B3GALT1: variants seen among roughly 807,000 people sequenced by gnomAD.
The protein encoded by B3GALT1 is UDP-Gal:betaGlcNAc beta 1,3-galactosyltransferase, polypeptide 1.
A neutral mutation model predicts 23.2 loss-of-function variants in B3GALT1; 10 were observed. That is an observed-to-expected ratio of 0.43 (90% confidence interval 0.27 to 0.73). B3GALT1 has a LOEUF of 0.73. Ranked by LOEUF, B3GALT1 falls within the 30% of genes least tolerant of loss-of-function variation. The probability of loss-of-function intolerance (pLI) is 0.21; values close to 1 mark genes in which losing one functional copy is unlikely to be tolerated. For missense variants in B3GALT1, 299 were observed against 405.4 expected, an observed-to-expected ratio of 0.74 and a Z score of 2.25; for synonymous variants, 156 against 141.5, an observed-to-expected ratio of 1.10 and a Z score of -0.73.
chr2:167,505,706 A>G (rs1476314495), intron 2 of B3GALT1, among the ~76,000 whole-genome samples: 1 of 152,180 alleles, frequency 6.6e-6, no homozygotes, highest in Admixed American at 6.5e-5. Context: ...CAAGTGGGAA[A>G]AAAATAATAC....
chr2:167,749,299 C>T (rs1687698082), intron 3 of B3GALT1, among the ~76,000 whole-genome samples: 1 of 152,124 alleles, frequency 6.6e-6, no homozygotes, highest in Non-Finnish European at 1.5e-5. Context: ...GTGTCATATC[C>T]GTTCTCTGGT....
intron 1 of B3GALT1, among the ~76,000 whole-genome samples, chr2:167,397,346 C>T (rs1402267320): frequency 1.3e-5 from 2 of 151,974 alleles, no homozygotes; most frequent in Non-Finnish European, 2.9e-5. Flanking sequence ...TCCTTTGAAT[C>T]CAAAATGCTG....
chr2:167,660,296 C>T lies in B3GALT1; in HGVS notation c.-352+13330C>T, dbSNP rs1194397339. On this transcript the variant is annotated intron_variant, in intron 3 of 4. Coordinates refer to ENST00000392690, the MANE Select transcript of B3GALT1 (RefSeq NM_020981.4). ...CCTCTTTCTTGCTTGTGTGGCTCTC[C>T]ACTTTATGGAAATGGGAATAGTGAT... 2.0e-5 allele frequency among the ~76,000 whole-genome samples: 3 copies of T among 151,998 alleles called. No individual in the cohort carries two copies. The East Asian group carries it at 5.8e-4, about 29-fold the overall frequency.
chr2:167,408,882 A>G (rs1698352244), intron 1 of B3GALT1, among the ~76,000 whole-genome samples: 1 of 152,178 alleles, frequency 6.6e-6, no homozygotes, highest in African/African-American at 2.4e-5. Flanking sequence ...ACACACACAA[A>G]ATGGAAAGAT....
At chr2:167,383,827 G>T (rs573056159) in intron 1 of B3GALT1, among the ~76,000 whole-genome samples, 4 of 152,284 alleles carry the variant, frequency 2.6e-5, no homozygotes, top group African/African-American at 9.6e-5. Context: ...TATTGACATT[G>T]TCAAAGTTTT....
At chr2:167,576,074 T>G (rs938444001) in intron 2 of B3GALT1, among the ~76,000 whole-genome samples, 5 of 151,774 alleles carry the variant, frequency 3.3e-5, no homozygotes, top group Non-Finnish European at 7.4e-5. Flanking sequence ...ACTTCAAATT[T>G]TATAAGTTTT....
In B3GALT1 at chr2:167,442,391, G is replaced by C. The variant is rs182779461; in HGVS notation, c.-510-47786G>C. ...TGATTTATAGTCCTTTGGGTATATA[G>C]CCAGTAATGGGATTGCTGGGTCAAA... is the stretch of plus-strand genomic sequence containing the variant. On this transcript the variant is annotated intron_variant, in intron 1 of 4. Coordinates refer to ENST00000392690, the MANE Select transcript of B3GALT1 (RefSeq NM_020981.4). Among the ~76,000 whole-genome samples, 530 of 152,150 alleles carry C rather than the reference G, an allele frequency of 3.5e-3. 3 individuals are homozygous for C. The highest frequency in any genetic ancestry group is 0.012 in the African/African-American group (507 of 41,484).
chr2:167,618,709 G>T (rs2105437478), intron 2 of B3GALT1, among the ~76,000 whole-genome samples: 1 of 151,980 alleles, frequency 6.6e-6, no homozygotes, highest in Middle Eastern at 3.4e-3. Context: ...TTAGACTCTT[G>T]GTTGTTTTTG....
At chr2:167,496,984 A>G (rs1156684708) in intron 2 of B3GALT1, among the ~76,000 whole-genome samples, 1 of 152,206 alleles carries the variant, frequency 6.6e-6, no homozygotes, top group Non-Finnish European at 1.5e-5. Flanking sequence ...CAGCACACCA[A>G]CATGGCACAT....
chr2:167,566,525 A>G (rs1470001761), intron 2 of B3GALT1, among the ~76,000 whole-genome samples: 1 of 148,236 alleles, frequency 6.7e-6, no homozygotes, highest in East Asian at 2.4e-4. Context: ...AAAGAATAAA[A>G]AGAAAAATTA....
At chr2:167,486,489 G>A (rs1447202711) in intron 1 of B3GALT1, among the ~76,000 whole-genome samples, 1 of 151,852 alleles carries the variant, frequency 6.6e-6, no homozygotes, top group African/African-American at 2.4e-5. Context: ...GGAGGCTGAG[G>A]CAGGCAGATC....
At chr2:167,842,353 A>G (rs1050112961) in intron 4 of B3GALT1, among the ~76,000 whole-genome samples, 5 of 152,204 alleles carry the variant, frequency 3.3e-5, no homozygotes, top group Non-Finnish European at 7.3e-5. Flanking sequence ...AAGCTGAGCA[A>G]TGCATCTTCA....
At chr2:167,737,821 T>A (rs764069700) in intron 3 of B3GALT1, among the ~76,000 whole-genome samples, 3 of 152,228 alleles carry the variant, frequency 2.0e-5, no homozygotes, top group Admixed American at 1.3e-4. Context: ...TAGAGTAAGC[T>A]GATGATGGCA....
intron 3 of B3GALT1, among the ~76,000 whole-genome samples, chr2:167,754,974 C>G (rs1477075539): frequency 1.3e-5 from 2 of 152,170 alleles, no homozygotes; most frequent in Non-Finnish European, 2.9e-5. Context: ...TGCATTCAAG[C>G]CTTCTCTTTT....
At chr2:167,402,067 G>A (rs1014874644) in intron 1 of B3GALT1, among the ~76,000 whole-genome samples, 5 of 152,146 alleles carry the variant, frequency 3.3e-5, no homozygotes, top group African/African-American at 1.2e-4. Context: ...AATTCAGATG[G>A]CATAAATTTG....
chr2:167,718,585 T>C (rs978668565), intron 3 of B3GALT1, among the ~76,000 whole-genome samples: 1 of 152,224 alleles, frequency 6.6e-6, no homozygotes, highest in Non-Finnish European at 1.5e-5. Context: ...TTAATAAATT[T>C]TAAATTATTT....
chr2:167,491,836 A>G (rs1021871902), intron 2 of B3GALT1, among the ~76,000 whole-genome samples: 1 of 151,932 alleles, frequency 6.6e-6, no homozygotes, highest in African/African-American at 2.4e-5. Context: ...AAGTGATTTT[A>G]TGTTTTCAGA....
intron 1 of B3GALT1, among the ~76,000 whole-genome samples, chr2:167,313,950 C>G (rs1438762427): frequency 6.6e-6 from 1 of 152,090 alleles, no homozygotes; most frequent in African/African-American, 2.4e-5. Context: ...CCACTCTGCA[C>G]CCAGTAATAG....
chr2:167,685,613 C>A (rs1374572044), intron 3 of B3GALT1, among the ~76,000 whole-genome samples: 1 of 152,000 alleles, frequency 6.6e-6, no homozygotes, highest in African/African-American at 2.4e-5. Flanking sequence ...TGGAAACAGG[C>A]TGAAGGTAGA....
Sources: allele counts gnomAD v4.1 joint callset (sites outside exome capture counted in the v4.1 genomes callset), GRCh38; gene constraint gnomAD v4.1.1; transcripts MANE v1.5; gene names NCBI Gene and HGNC (gene_info 2026-07-23, HGNC 2026-07-21).